Variants in KLF8 observed in about 807,000 individuals in gnomAD.
KLF8 encodes the protein KLF transcription factor 8.
Under a neutral mutation model 18.2 loss-of-function variants are expected in KLF8, and 10 were observed. That is an observed-to-expected ratio of 0.55 (90% CI 0.34 to 0.93). The LOEUF is 0.93. KLF8 is among the 40% of genes least tolerant of loss of function. KLF8 has a pLI of 0.02. For missense variants in KLF8, 264 were observed against 277.9 expected (o/e 0.95, Z 0.36); for synonymous variants, 109 against 97.3 (o/e 1.12, Z -0.71).
the KLF8 span, among the ~76,000 whole-genome samples, chrX:55,935,085 C>T: frequency 1.8e-5 from 2 of 112,210 alleles, no homozygotes; most frequent in African/African-American, 6.5e-5. Flanking sequence ...CTAGCACAGT[C>T]ATGGCGTATA....
chrX:56,046,721 G>A, the KLF8 span, among the ~76,000 whole-genome samples: 2 of 111,271 alleles, frequency 1.8e-5, no homozygotes, highest in South Asian at 3.7e-4. Context: ...ATCTCTTCTA[G>A]CTTGTAGGGA....
rs2067271001 is a variant in KLF8 at position 56,286,609 on chromosome X, T to C, written c.*2115T>C. ...TACTTGTGGTCATTGCCGTATAACA[T>C]TAGGCACACGCTTCTAACACTTCTA... On this transcript the variant is annotated 3_prime_UTR_variant, in exon 6 of 6. Coordinates refer to ENST00000468660, the MANE Select transcript of KLF8 (RefSeq NM_007250.5). The C allele has an allele frequency of 8.9e-6, 1 of 112,760 alleles. No individual in the cohort carries two copies. The highest frequency in any genetic ancestry group is 1.9e-5 in the Non-Finnish European group (1 of 53,369). The allele number at this position is 112,760 out of a possible 1,213,427, so 9.3% of individuals were successfully genotyped here.
chrX:56,184,375 C>A, the KLF8 span, among the ~76,000 whole-genome samples: 1 of 112,453 alleles, frequency 8.9e-6, no homozygotes, highest in African/African-American at 3.2e-5. Flanking sequence ...CCAGGAAGCT[C>A]GAACTGGGTG....
At chrX:56,074,876 T>A in the KLF8 span, 1 of 112,464 alleles carries the variant, frequency 8.9e-6, no homozygotes, top group Non-Finnish European at 1.9e-5. Flanking sequence ...TTGGGTAGCA[T>A]TGACATTTCA....
chrX:56,018,443 A>G, the KLF8 span, among the ~76,000 whole-genome samples: 1 of 111,560 alleles, frequency 9.0e-6, no homozygotes, highest in Non-Finnish European at 1.9e-5. Flanking sequence ...CATAATAAAG[A>G]CTTTAGAGTT....
At chrX:56,064,888 T>C in the KLF8 span, among the ~76,000 whole-genome samples, 1 of 111,634 alleles carries the variant, frequency 9.0e-6, no homozygotes, top group African/African-American at 3.3e-5. Context: ...GGCTGGCAGT[T>C]TTTTTTCTTT....
chrX:56,065,551 T>G, the KLF8 span, among the ~76,000 whole-genome samples: 1 of 111,967 alleles, frequency 8.9e-6, no homozygotes, highest in South Asian at 3.7e-4. Flanking sequence ...TTTCATAATT[T>G]TTTTTCATTG....
chrX:56,022,903 A>T, the KLF8 span, among the ~76,000 whole-genome samples: 3 of 111,330 alleles, frequency 2.7e-5, no homozygotes, highest in Admixed American at 2.9e-4. Flanking sequence ...GTCAGAAATA[A>T]TCAGAGAAAA....
At chrX:56,137,580 G>C in the KLF8 span, among the ~76,000 whole-genome samples, 2 of 88,227 alleles carry the variant, frequency 2.3e-5, no homozygotes, top group African/African-American at 9.1e-5. Context: ...ACAGGAAGGG[G>C]AACATCACAC....
chrX:55,988,191 A>G, the KLF8 span, among the ~76,000 whole-genome samples: 16 of 111,201 alleles, frequency 1.4e-4, no homozygotes, highest in Non-Finnish European at 7.6e-5. Flanking sequence ...GCTGTGCAGA[A>G]GCTCTTTAGT....
chrX:55,958,228 G>A, the KLF8 span, among the ~76,000 whole-genome samples: 3 of 111,687 alleles, frequency 2.7e-5, no homozygotes, highest in African/African-American at 9.8e-5. Flanking sequence ...TTGAATACCA[G>A]CCATGGAATA....
chrX:56,056,831 T>TAAA, the KLF8 span, among the ~76,000 whole-genome samples: 2 of 62,728 alleles, frequency 3.2e-5, no homozygotes, highest in Non-Finnish European at 3.1e-5. Flanking sequence ...ATTGCAGGTG[T>TAAA]AAAAAAAAAA....
the KLF8 span, among the ~76,000 whole-genome samples, chrX:56,141,489 AT>A: frequency 1.8e-5 from 2 of 111,301 alleles, 1 homozygote. Flanking sequence ...TAAGTAATCT[AT>A]TTTTTCTAAT....
chrX:56,041,862 G>C, the KLF8 span, among the ~76,000 whole-genome samples: 1 of 111,476 alleles, frequency 9.0e-6, no homozygotes, highest in African/African-American at 3.3e-5. Flanking sequence ...GCTAACTTTT[G>C]TATTTTTAGT....
chrX:56,214,535 G>A, the KLF8 span, among the ~76,000 whole-genome samples: 1 of 112,304 alleles, frequency 8.9e-6, no homozygotes, highest in Non-Finnish European at 1.9e-5. Flanking sequence ...GGTGATGAGG[G>A]TGGATGAATG....
At chrX:56,053,215 A>C in the KLF8 span, among the ~76,000 whole-genome samples, 2 of 112,311 alleles carry the variant, frequency 1.8e-5, no homozygotes, top group Non-Finnish European at 3.8e-5. Flanking sequence ...GAAATGCAGA[A>C]ATCACTGTCC....
the KLF8 span, among the ~76,000 whole-genome samples, chrX:56,073,050 G>A: frequency 9.4e-6 from 1 of 106,368 alleles, no homozygotes; most frequent in South Asian, 4.3e-4. Context: ...GCAGTGGCGC[G>A]ATTTCGGCTC....
the KLF8 span, among the ~76,000 whole-genome samples, chrX:56,158,473 C>T: frequency 7.2e-5 from 8 of 111,577 alleles, no homozygotes; most frequent in Non-Finnish European, 1.5e-4. Flanking sequence ...CTATAAATTC[C>T]CTTGGGGAGT....
chrX:56,079,228 G>T, the KLF8 span, among the ~76,000 whole-genome samples: 14 of 110,807 alleles, frequency 1.3e-4, no homozygotes, highest in East Asian at 1.7e-3. Flanking sequence ...GTTTTAATTG[G>T]GATGTTAGGG....
Sources: gnomAD v4.1 joint callset for allele counts (sites outside exome capture counted in the v4.1 genomes callset) on GRCh38, gnomAD v4.1.1 for gene constraint, MANE v1.5 for transcripts, NCBI Gene and HGNC (gene_info 2026-07-23, HGNC 2026-07-21) for gene names.